CNTN1: variants seen among roughly 807,000 people sequenced by gnomAD.
CNTN1 encodes contactin 1, also known as contactin-1.
CNTN1 carries 38 observed loss-of-function variants against 126.4 expected under a neutral mutation model. The observed-to-expected ratio is 0.30, with a 90% CI of 0.23 to 0.39. CNTN1 has a LOEUF of 0.39. Among genes scored for constraint, CNTN1 ranks in the 10% least tolerant of loss-of-function variants. The pLI is 1.00. For missense variants in CNTN1, 1,009 were observed against 1,248.4 expected, an observed-to-expected ratio of 0.81 and a Z score of 2.89; for synonymous variants, 413 against 422.6, an observed-to-expected ratio of 0.98 and a Z score of 0.28.
At chr12:41,030,548 T>C (rs1949126386) in intron 23 of CNTN1, among the ~76,000 whole-genome samples, 1 of 152,182 alleles carries the variant, frequency 6.6e-6, no homozygotes, top group Non-Finnish European at 1.5e-5. Flanking sequence ...TGTATACATA[T>C]ATAATTTCAT....
At chr12:40,821,699 CAT>C (rs1374047064) in intron 1 of CNTN1, among the ~76,000 whole-genome samples, 5 of 152,082 alleles carry the variant, frequency 3.3e-5, no homozygotes, top group Admixed American at 1.3e-4. Context: ...AATTTTGAAA[CAT>C]GTTAGGATAC....
At chr12:40,892,842 TG>T (rs1194805367) in intron 1 of CNTN1, among the ~76,000 whole-genome samples, 1 of 151,754 alleles carries the variant, frequency 6.6e-6, no homozygotes, top group East Asian at 1.9e-4. Context: ...TTGTTTCTGC[TG>T]GAGTGCTCAG....
chr12:41,070,044 T>G lies in CNTN1; in HGVS notation c.*9T>G. 6.2e-7 allele frequency: 1 copy of G among 1,612,900 alleles called. No individual in the cohort carries two copies. Among genetic ancestry groups the G allele is most frequent in the Non-Finnish European group, 8.5e-7 (1 of 1,178,998 alleles). Reference sequence around the variant, plus strand: ...TCTACTTGGAATTCTGAATGTGTTGTGACAGCTGCTGTTCCCATCCCAGCT... The same window carrying G: ...TCTACTTGGAATTCTGAATGTGTTGGGACAGCTGCTGTTCCCATCCCAGCT... On this transcript the variant is annotated 3_prime_UTR_variant, in exon 24 of 24. Coordinates refer to ENST00000551295, the MANE Select transcript of CNTN1 (RefSeq NM_001843.4).
intron 1 of CNTN1, among the ~76,000 whole-genome samples, chr12:40,768,912 A>G (rs1939227575): frequency 6.6e-6 from 1 of 152,180 alleles, no homozygotes; most frequent in Non-Finnish European, 1.5e-5. Flanking sequence ...TATTATACAT[A>G]AGAATCTTTT....
At chr12:40,913,037 G>A (rs1473042478) in intron 3 of CNTN1, among the ~76,000 whole-genome samples, 2 of 152,218 alleles carry the variant, frequency 1.3e-5, no homozygotes, top group African/African-American at 4.8e-5. Flanking sequence ...GGACAAGGAA[G>A]TAGTTCCTCT....
intron 15 of CNTN1, among the ~76,000 whole-genome samples, chr12:40,963,443 A>G (rs1947179805): frequency 6.6e-6 from 1 of 152,052 alleles, no homozygotes; most frequent in African/African-American, 2.4e-5. Context: ...CACCCCTTTA[A>G]GACAGGGGTT....
chr12:40,955,184 C>A (rs769006203), intron 14 of CNTN1, among the ~76,000 whole-genome samples: 7 of 151,784 alleles, frequency 4.6e-5, no homozygotes, highest in Non-Finnish European at 8.8e-5. Context: ...TGTGGCTAAC[C>A]CCTACTCTAA....
chr12:40,892,655 T>A (rs1944279715), intron 1 of CNTN1, among the ~76,000 whole-genome samples: 1 of 152,112 alleles, frequency 6.6e-6, no homozygotes, highest in Admixed American at 6.6e-5. Context: ...AGGACATAAC[T>A]TGTCCAAAAA....
At chr12:40,929,649 G>A (rs1945814100) in intron 6 of CNTN1, 147 bp from the exon 7 acceptor site, 1 of 665,824 alleles carries the variant, frequency 1.5e-6, no homozygotes, top group South Asian at 1.7e-5. Flanking sequence ...GTTTAAAAGT[G>A]TGCACTGTTT....
intron 3 of CNTN1, 26 bp from the exon 4 acceptor site, chr12:40,918,613 G>A: frequency 1.2e-6 from 2 of 1,607,214 alleles, no homozygotes; most frequent in South Asian, 1.1e-5. Context: ...GCAGTACAAT[G>A]TAAAACAATT....
chr12:40,717,102 G>A (rs947471230), intron 1 of CNTN1, among the ~76,000 whole-genome samples: 2 of 151,980 alleles, frequency 1.3e-5, no homozygotes, highest in East Asian at 3.9e-4. Context: ...TATAAGAAAG[G>A]CTCAGAAAAG....
intron 1 of CNTN1, among the ~76,000 whole-genome samples, chr12:40,897,106 A>G (rs144858480): frequency 9.8e-4 from 150 of 152,314 alleles, no homozygotes; most frequent in African/African-American, 3.5e-3. Flanking sequence ...CCTAACACAT[A>G]AAAGTATTTA....
intron 1 of CNTN1, among the ~76,000 whole-genome samples, chr12:40,769,519 A>T (rs946338495): frequency 6.6e-6 from 1 of 152,202 alleles, no homozygotes; most frequent in African/African-American, 2.4e-5. Flanking sequence ...ATTTATTCTG[A>T]CATTTATGAA....
intron 1 of CNTN1, among the ~76,000 whole-genome samples, chr12:40,823,771 A>G (rs976901333): frequency 6.6e-6 from 1 of 152,164 alleles, no homozygotes; most frequent in East Asian, 1.9e-4. Flanking sequence ...ATTCAACTAC[A>G]GACTCATTAT....
At chr12:40,742,382 A>C (rs911656060) in intron 1 of CNTN1, 1 of 152,120 alleles carries the variant, frequency 6.6e-6, no homozygotes, top group Non-Finnish European at 1.5e-5. Flanking sequence ...AAAGGGAAGG[A>C]GGAAAATGGT....
At chr12:40,840,944 A>G (rs1297488610) in intron 1 of CNTN1, among the ~76,000 whole-genome samples, 1 of 151,948 alleles carries the variant, frequency 6.6e-6, no homozygotes, top group Non-Finnish European at 1.5e-5. Flanking sequence ...GATGAAAAAA[A>G]ATAAAAATGA....
intron 1 of CNTN1, among the ~76,000 whole-genome samples, chr12:40,692,835 G>A (rs1941336163): frequency 6.6e-6 from 1 of 152,130 alleles, no homozygotes; most frequent in African/African-American, 2.4e-5. Context: ...TGCCCTAGAA[G>A]AGGGCTCCGA....
intron 1 of CNTN1, among the ~76,000 whole-genome samples, chr12:40,712,113 T>C (rs1312790781): frequency 6.6e-6 from 1 of 152,176 alleles, no homozygotes; most frequent in African/African-American, 2.4e-5. Context: ...ATTATTTTAT[T>C]AAAGCTGCAC....
At chr12:40,925,636 TATAG>T (rs1945642404) in intron 6 of CNTN1, among the ~76,000 whole-genome samples, 1 of 145,602 alleles carries the variant, frequency 6.9e-6, no homozygotes, top group South Asian at 2.1e-4. Flanking sequence ...CATATATATA[TATAG>T]AGAGAGAGAG....
Sources: gnomAD v4.1 joint callset for allele counts (sites outside exome capture counted in the v4.1 genomes callset) on GRCh38, gnomAD v4.1.1 for gene constraint, MANE v1.5 for transcripts, NCBI Gene and HGNC (gene_info 2026-07-23, HGNC 2026-07-21) for gene names.